The following SRGAP2C variants were observed in gnomAD, a reference collection of about 807,000 sequenced individuals.
The protein encoded by SRGAP2C is SLIT-ROBO Rho GTPase-activating protein 2C.
Under a neutral mutation model 25.1 loss-of-function variants are expected in SRGAP2C, and 15 were observed. The ratio of observed to expected loss-of-function variants is 0.60; its 90% CI spans 0.40 to 0.92. SRGAP2C has a LOEUF of 0.92. Ranked by LOEUF, SRGAP2C falls within the 40% of genes least tolerant of loss-of-function variation. The pLI, the probability that SRGAP2C is intolerant of heterozygous loss-of-function variation, is 0.00. For missense variants in SRGAP2C, 144 were observed against 264.4 expected, an observed-to-expected ratio of 0.54 and a Z score of 3.16; for synonymous variants, 44 against 96.6, an observed-to-expected ratio of 0.46 and a Z score of 3.19.
chr1:121,202,579 C>A (rs1186216660), intron 2 of SRGAP2C, among the ~76,000 whole-genome samples: 1 of 148,562 alleles, frequency 6.7e-6, no homozygotes, highest in Non-Finnish European at 1.5e-5. Context: ...CAGGCACGTG[C>A]CACCACGCCT....
intron 4 of SRGAP2C, among the ~76,000 whole-genome samples, chr1:121,350,635 A>G (rs1419511570): frequency 6.6e-6 from 1 of 152,160 alleles, no homozygotes; most frequent in African/African-American, 2.4e-5. Flanking sequence ...AGCCAAAACT[A>G]TAAAACTCTT....
chr1:121,259,843 CTTT>C (rs782529398), intron 2 of SRGAP2C, among the ~76,000 whole-genome samples: 1 of 107,752 alleles, frequency 9.3e-6, no homozygotes, highest in Non-Finnish European at 1.9e-5. Flanking sequence ...TCTTCTTCTA[CTTT>C]TTTTTTTTTT....
intron 3 of SRGAP2C, among the ~76,000 whole-genome samples, chr1:121,305,974 T>C (rs1339694829): frequency 1.8e-4 from 28 of 152,354 alleles, no homozygotes; most frequent in Admixed American, 5.9e-4. Flanking sequence ...AGGATGGGAC[T>C]GTGTTGATAA....
At chr1:121,335,349 A>C (rs1446314765) in intron 4 of SRGAP2C, among the ~76,000 whole-genome samples, 2 of 123,868 alleles carry the variant, frequency 1.6e-5, no homozygotes, top group Non-Finnish European at 3.3e-5. Flanking sequence ...TCAAAAAATA[A>C]ATAAATAAAT....
Position 121,391,758 on chromosome 1 carries a change from GTAATTA to G in SRGAP2C, c.*3911_*3916del. On this transcript the variant is annotated 3_prime_UTR_variant, in exon 10 of 10. Transcript: ENST00000367123. ...GTCTGATTTACAGAGTAACCACATA[GTAATTA>G]TAATTATTAGAATGTCCAGTTTTCA... 6.6e-6 allele frequency: 1 copy of G among 152,308 alleles called. No homozygotes were observed. The highest frequency in any genetic ancestry group is 1.5e-5 in the Non-Finnish European group (1 of 68,056). 9.4% of individuals were successfully genotyped at this position (152,308 alleles called of 1,614,324 possible). A position where few individuals can be genotyped will look rare whatever the true frequency, so the allele number is the denominator to read the frequency against.
chr1:121,345,874 C>A (rs1364397517), intron 4 of SRGAP2C, among the ~76,000 whole-genome samples: 59 of 138,766 alleles, frequency 4.3e-4, no homozygotes, highest in Non-Finnish European at 4.7e-4. Context: ...TAGTCTCGAA[C>A]TCTTGACTTC....
chr1:121,271,038 C>T (rs1656940719), intron 2 of SRGAP2C, among the ~76,000 whole-genome samples: 1 of 151,450 alleles, frequency 6.6e-6, no homozygotes, highest in South Asian at 2.1e-4. Flanking sequence ...ACCTCGTGGT[C>T]TGCCTGCATT....
intron 2 of SRGAP2C, among the ~76,000 whole-genome samples, chr1:121,257,308 G>A (rs587649441): frequency 6.7e-6 from 1 of 150,368 alleles, no homozygotes; most frequent in East Asian, 2.0e-4. Context: ...TAGAGACAGG[G>A]CTTCACCACA....
intron 2 of SRGAP2C, among the ~76,000 whole-genome samples, chr1:121,201,642 G>A (rs1320637236): frequency 2.6e-5 from 4 of 152,240 alleles, no homozygotes; most frequent in African/African-American, 9.6e-5. Flanking sequence ...AAAACTTAAT[G>A]TAAAATGATC....
At chr1:121,355,189 C>CCTGT (rs1558125909) in intron 4 of SRGAP2C, among the ~76,000 whole-genome samples, 1 of 147,776 alleles carries the variant, frequency 6.8e-6, no homozygotes, top group East Asian at 2.0e-4. Flanking sequence ...ATTTAACACA[C>CCTGT]CTGTCTCAGT....
At chr1:121,187,774 C>A (rs587647018) in intron 2 of SRGAP2C, among the ~76,000 whole-genome samples, 11 of 152,160 alleles carry the variant, frequency 7.2e-5, no homozygotes, top group South Asian at 2.1e-4. Context: ...CCCTTTCCCC[C>A]CAAGCCGGAC....
At chr1:121,305,961 A>G (rs1256078595) in intron 3 of SRGAP2C, among the ~76,000 whole-genome samples, 1 of 152,196 alleles carries the variant, frequency 6.6e-6, no homozygotes, top group Non-Finnish European at 1.5e-5. Context: ...AGGTTTAACC[A>G]TCAGGATGGG....
chr1:121,367,243 T>G (rs1659350891), intron 5 of SRGAP2C, among the ~76,000 whole-genome samples: 1 of 151,418 alleles, frequency 6.6e-6, no homozygotes, highest in African/African-American at 2.4e-5. Context: ...TTTCCTCTAG[T>G]AGGCAATGGA....
At chr1:121,258,531 C>A (rs1245675691) in intron 2 of SRGAP2C, among the ~76,000 whole-genome samples, 2 of 150,130 alleles carry the variant, frequency 1.3e-5, no homozygotes, top group African/African-American at 2.5e-5. Context: ...AATGGCATGA[C>A]CTTGGCTCAC....
At chr1:121,225,715 CTTT>C (rs1214244086) in intron 2 of SRGAP2C, among the ~76,000 whole-genome samples, 1 of 146,782 alleles carries the variant, frequency 6.8e-6, no homozygotes, top group East Asian at 2.0e-4. Flanking sequence ...TGTTTTAAAA[CTTT>C]TTTTTTTTTT....
intron 2 of SRGAP2C, among the ~76,000 whole-genome samples, chr1:121,211,187 C>T (rs187762315): frequency 2.0e-5 from 3 of 151,960 alleles, no homozygotes; most frequent in East Asian, 3.9e-4. Context: ...TTTGTCCTCT[C>T]AGAGACTATT....
chr1:121,359,841 TA>T lies in SRGAP2C; in HGVS notation c.424-5450del, dbSNP rs1449272229. 5.9e-5 allele frequency among the ~76,000 whole-genome samples: 9 copies of T among 152,184 alleles called. No individual in the cohort carries two copies. The East Asian group carries it at 1.7e-3, about 29-fold the overall frequency. ...AGGAAATATCATAGTGGACAGCACA[TA>T]AGTAGAGGTGAAGCCAGCTGGACTT... On this transcript the variant is annotated intron_variant, in intron 4 of 9. Coordinates refer to ENST00000367123, the MANE Select transcript of SRGAP2C (RefSeq NM_001329984.2).
chr1:121,384,812 C>G (rs1401773572), intron 8 of SRGAP2C, among the ~76,000 whole-genome samples: 1 of 152,084 alleles, frequency 6.6e-6, no homozygotes. Flanking sequence ...GGTAGCGGAC[C>G]ACTGTCAAAG....
chr1:121,306,778 C>T (rs1308942001), intron 3 of SRGAP2C, among the ~76,000 whole-genome samples: 1 of 151,940 alleles, frequency 6.6e-6, no homozygotes, highest in Non-Finnish European at 1.5e-5. Flanking sequence ...ACGTAATTAT[C>T]TCCCATAATT....
Sources: gnomAD v4.1 joint callset for allele counts (sites outside exome capture counted in the v4.1 genomes callset) on GRCh38, gnomAD v4.1.1 for gene constraint, MANE v1.5 for transcripts, NCBI Gene and HGNC (gene_info 2026-07-23, HGNC 2026-07-21) for gene names.